Variants in CENPQ observed in about 807,000 individuals in gnomAD.
The protein encoded by CENPQ is centromere protein Q, also known as chromosome 6 open reading frame 139.
CENPQ carries 27 observed loss-of-function variants against 36.6 expected under a neutral mutation model. The observed-to-expected ratio is 0.74, with a 90% CI of 0.54 to 1.02. The LOEUF (loss-of-function observed/expected upper bound fraction) is 1.02. Among genes scored for constraint, CENPQ ranks in the 50% least tolerant of loss-of-function variants. CENPQ has a pLI of 0.00. For missense variants in CENPQ, 306 were observed against 301.8 expected (o/e 1.01, Z -0.10); for synonymous variants, 101 against 101.7 (o/e 0.99, Z 0.04).
In CENPQ at chr6:49,472,804, A is replaced by G. The variant is rs1417751717; in HGVS notation, c.293A>G (p.Asn98Ser). The part of the protein sequence containing the change: ...MESVIMTILS[N>S]SIKEKEEIQY... ...TTCTTTTCTAGGACAATTTTGAGTA[A>G]CAGTATTAAAGAAAAAGAAGAAATA... Residue 98 changes from asparagine (N) to serine (S), a missense_variant, in exon 5 of 9, where the codon AAC becomes AGC. Physicochemically the swap from Asn to Ser is conservative, Grantham distance 46. Transcript: ENST00000335783. The G allele has an allele frequency of 1.1e-5, 16 of 1,454,414 alleles. No homozygotes were observed. Among genetic ancestry groups the G allele is most frequent in the Non-Finnish European group, 1.5e-5 (16 of 1,071,988 alleles). The allele number at this position is 1,454,414 out of a possible 1,614,324, so 90.1% of individuals were successfully genotyped here. A position where few individuals can be genotyped will look rare whatever the true frequency, so the allele number is the denominator to read the frequency against.
intron 8 of CENPQ, among the ~76,000 whole-genome samples, chr6:49,490,669 G>T (rs995930429): frequency 2.6e-5 from 4 of 152,158 alleles, no homozygotes; most frequent in African/African-American, 4.8e-5. Flanking sequence ...TCTAGTTTTT[G>T]ATTTAAAGTA....
intron 6 of CENPQ, among the ~76,000 whole-genome samples, chr6:49,482,137 A>G (rs1017813013): frequency 1.2e-4 from 18 of 152,210 alleles, no homozygotes; most frequent in African/African-American, 4.3e-4. Context: ...TGCCAAGCCC[A>G]CACCCACCGG....
intron 6 of CENPQ, among the ~76,000 whole-genome samples, chr6:49,486,298 A>G (rs1040447619): frequency 1.3e-5 from 2 of 152,236 alleles, no homozygotes; most frequent in Admixed American, 6.5e-5. Context: ...CTCCAGAACC[A>G]TGACAGAATG....
intron 6 of CENPQ, among the ~76,000 whole-genome samples, chr6:49,485,035 G>A (rs1310295974): frequency 6.6e-6 from 1 of 152,180 alleles, no homozygotes; most frequent in Admixed American, 6.5e-5. Flanking sequence ...TGGGACATAA[G>A]CATAATTACA....
chr6:49,473,056 A>C (rs1768183258), intron 5 of CENPQ, among the ~76,000 whole-genome samples, 198 bp downstream of exon 5: 1 of 151,866 alleles, frequency 6.6e-6, no homozygotes, highest in South Asian at 2.1e-4. Flanking sequence ...GGGAACTTAC[A>C]AAAAAAACCC....
chr6:49,472,853 GA>G lies in CENPQ; in HGVS notation c.346del (p.Arg116AspfsTer9). 1.4e-6 allele frequency: 2 copies of G among 1,433,664 alleles called. No homozygotes were observed. The highest frequency in any genetic ancestry group is 2.5e-5 in the East Asian group (1 of 39,672). 88.8% of individuals were successfully genotyped at this position (1,433,664 alleles called of 1,614,324 possible). ...EIQYHLNFLK[K>X]RLLQQCETLK... ...TACAATACCATCTCAACTTCCTGAAGAAAAGGTAATACTATTGCATAATTAA... is the reference window on the plus strand; with the variant it reads ...TACAATACCATCTCAACTTCCTGAAGAAAGGTAATACTATTGCATAATTAA... On this transcript the variant is annotated frameshift_variant, in exon 5 of 9. Transcript: ENST00000335783. LOFTEE classifies it high-confidence loss of function.
chr6:49,465,862 C>A (rs1767988450), intron 1 of CENPQ, among the ~76,000 whole-genome samples: 1 of 152,222 alleles, frequency 6.6e-6, no homozygotes, highest in Admixed American at 6.5e-5. Flanking sequence ...TCTTATCATT[C>A]ATGTCTTCAC....
chr6:49,472,831 A>G lies in CENPQ; in HGVS notation c.320A>G (p.Gln107Arg). The G allele has an allele frequency of 6.9e-7, 1 of 1,454,802 alleles. No homozygotes were observed. Among genetic ancestry groups the G allele is most frequent in the Admixed American group, 2.1e-5 (1 of 48,482 alleles). 90.1% of individuals were successfully genotyped at this position (1,454,802 alleles called of 1,614,324 possible). The change falls in exon 5 of 9, where the codon CAA becomes CGA. Residue 107 changes from glutamine to arginine, a missense_variant. By Grantham distance (43) the Gln-to-Arg change is conservative (BLOSUM62 1). Transcript: ENST00000335783. ...AGTATTAAAGAAAAAGAAGAAATAC[A>G]ATACCATCTCAACTTCCTGAAGAAA... is the stretch of plus-strand genomic sequence containing the variant. ...SNSIKEKEEI[Q>R]YHLNFLKKRL...
chr6:49,480,211 A>C (rs2127426233), intron 5 of CENPQ, among the ~76,000 whole-genome samples: 1 of 152,316 alleles, frequency 6.6e-6, no homozygotes, highest in African/African-American at 2.4e-5. Context: ...TTAGAACCCA[A>C]AGATACTGCT....
At chr6:49,482,945 G>A (rs1202356509) in intron 6 of CENPQ, among the ~76,000 whole-genome samples, 1 of 152,160 alleles carries the variant, frequency 6.6e-6, no homozygotes, top group Non-Finnish European at 1.5e-5. Context: ...CAAAGAGTGA[G>A]CAGTAGCAAG....
intron 6 of CENPQ, among the ~76,000 whole-genome samples, chr6:49,481,394 A>G (rs1768424744): frequency 6.6e-6 from 1 of 151,806 alleles, no homozygotes; most frequent in African/African-American, 2.4e-5. Context: ...CTTAAAGGTG[A>G]CGTGTCTGGA....
chr6:49,491,452 A>C (rs567864257), intron 8 of CENPQ, among the ~76,000 whole-genome samples: 1 of 152,282 alleles, frequency 6.6e-6, no homozygotes, highest in Non-Finnish European at 1.5e-5. Context: ...CTAGAAGTAA[A>C]TACTGACAGT....
chr6:49,484,067 T>G (rs183838596), intron 6 of CENPQ, among the ~76,000 whole-genome samples: 1 of 152,362 alleles, frequency 6.6e-6, no homozygotes, highest in Admixed American at 6.5e-5. Context: ...CACTAAATAC[T>G]GTGGAATTTT....
rs1767916404 is a variant in CENPQ at position 49,463,448 on chromosome 6, TC to T, written c.-23del. ...GGCTCTCAGAAGGGTGCAAGAAGAA[TC>T]AGTGGTGAGTCGTGATATCCTTAAC... On this transcript the variant is annotated 5_prime_UTR_variant, in exon 1 of 9. Coordinates refer to ENST00000335783, the MANE Select transcript of CENPQ (RefSeq NM_018132.4). The T allele has an allele frequency of 6.6e-6, 1 of 152,246 alleles. No individual in the cohort carries two copies. The highest frequency in any genetic ancestry group is 1.5e-5 in the Non-Finnish European group (1 of 68,088). The allele number at this position is 152,246 out of a possible 1,614,324, so 9.4% of individuals were successfully genotyped here.
chr6:49,471,956 T>G, intron 3 of CENPQ, 107 bp from the exon 4 acceptor site: 1 of 1,253,484 alleles, frequency 8.0e-7, no homozygotes, highest in Non-Finnish European at 1.1e-6. Flanking sequence ...TTATAATATT[T>G]TGTTCTGATA....
chr6:49,480,804 G>A (rs188483984), intron 5 of CENPQ, 147 bp from the exon 6 acceptor site: 29 of 405,370 alleles, frequency 7.2e-5, no homozygotes, highest in Middle Eastern at 1.5e-3. Flanking sequence ...GCTTTTAGAG[G>A]GGGAGATTTA....
At chr6:49,483,440 G>A (rs932460167) in intron 6 of CENPQ, among the ~76,000 whole-genome samples, 3 of 152,184 alleles carry the variant, frequency 2.0e-5, no homozygotes, top group Non-Finnish European at 4.4e-5. Context: ...GCCCTTGGGT[G>A]GTCGATGGGA....
At chr6:49,472,743 AT>A (rs1768172242) in intron 4 of CENPQ, 46 bp from the exon 5 acceptor site, 2 of 1,361,546 alleles carry the variant, frequency 1.5e-6, no homozygotes, top group Admixed American at 3.0e-5. Flanking sequence ...AGAGTATATG[AT>A]TTGTGCATCA....
At chr6:49,470,918 T>C in intron 2 of CENPQ, 56 bp from the exon 3 acceptor site, 1 of 975,508 alleles carries the variant, frequency 1.0e-6, no homozygotes, top group Non-Finnish European at 1.5e-6. Context: ...AAAAGCAGGA[T>C]CCTTTTATCT....
Sources: allele counts gnomAD v4.1 joint callset (sites outside exome capture counted in the v4.1 genomes callset), GRCh38; gene constraint gnomAD v4.1.1; transcripts MANE v1.5; gene names NCBI Gene and HGNC (gene_info 2026-07-23, HGNC 2026-07-21).